The following TAGAP variants were observed in gnomAD, a reference collection of about 807,000 sequenced individuals.
The protein encoded by TAGAP is T cell activation RhoGTPase activating protein, also known as T-cell activation Rho GTPase-activating protein.
In TAGAP, 16 loss-of-function variants were observed where a neutral mutation model predicts 36.0. That is an observed-to-expected ratio of 0.44 (90% CI 0.30 to 0.68). TAGAP has a LOEUF of 0.68. TAGAP is among the 30% of genes least tolerant of loss of function. The pLI is 0.09. For missense variants in TAGAP, 794 were observed against 921.5 expected (o/e 0.86, Z 1.79); for synonymous variants, 372 against 377.4 (o/e 0.99, Z 0.17).
In TAGAP at chr6:159,036,837, T is replaced by A. The variant is rs75182303; in HGVS notation, c.1186A>T (p.Thr396Ser). The change falls in exon 10 of 10, where the codon ACA becomes TCA. Residue 396 changes from threonine to serine, a missense_variant. Physicochemically the swap from Thr to Ser is moderately conservative, Grantham distance 58. Coordinates refer to ENST00000367066, the MANE Select transcript of TAGAP (RefSeq NM_054114.5). The surrounding 1 kb of genome is among the most constrained non-coding windows in gnomAD (Gnocchi z 4.9). Reference protein sequence around the residue: ...ECLESRVTNQTLTKSEGDFPV... With the variant: ...ECLESRVTNQSLTKSEGDFPV... Reference sequence around the variant, plus strand: ...AAGTCCCCTTCACTCTTTGTTAGTGTTTGGTTTGTCACCCGGCTCTCGAGG... The same window carrying A: ...AAGTCCCCTTCACTCTTTGTTAGTGATTGGTTTGTCACCCGGCTCTCGAGG... 4.2e-3 allele frequency: 6,770 copies of A among 1,614,204 alleles called. 27 individuals are homozygous for A. The highest frequency in any genetic ancestry group is 4.8e-3 in the Non-Finnish European group (5,647 of 1,180,030).
intron 4 of TAGAP, 124 bp downstream of exon 4, chr6:159,043,465 C>T (rs1018538943): frequency 3.7e-6 from 3 of 820,144 alleles, no homozygotes; most frequent in Non-Finnish European, 6.2e-6. Context: ...TAATGTTCTG[C>T]GGTCTTTAAC....
In TAGAP at chr6:159,035,714, C is replaced by T; in HGVS notation, c.*113G>A. On this transcript the variant is annotated 3_prime_UTR_variant, in exon 10 of 10. Coordinates refer to ENST00000367066, the MANE Select transcript of TAGAP (RefSeq NM_054114.5). ...TATCCTCACTGAGGAGGGCTTTCCA[C>T]AACTTTCTCAAGGAGCTTATTCAAG... 3 of 1,162,168 alleles carry T rather than the reference C, an allele frequency of 2.6e-6. No homozygotes were observed. Among genetic ancestry groups the T allele is most frequent in the Non-Finnish European group, 3.5e-6 (3 of 846,340 alleles). The allele number at this position is 1,162,168 out of a possible 1,614,324, so 72.0% of individuals were successfully genotyped here. A position where few individuals can be genotyped will look rare whatever the true frequency, so the allele number is the denominator to read the frequency against.
At chr6:159,042,566 TAAAC>T in intron 4 of TAGAP, 1 of 261,286 alleles carries the variant, frequency 3.8e-6, no homozygotes, top group Non-Finnish European at 7.3e-6. Flanking sequence ...GTGCTGATCA[TAAAC>T]AACCATCTTA....
At chr6:159,044,319 A>AT in intron 1 of TAGAP, 115 bp from the exon 2 acceptor site, 3 of 611,130 alleles carry the variant, frequency 4.9e-6, no homozygotes, top group Non-Finnish European at 7.9e-6. Flanking sequence ...CTCTTTTGCT[A>AT]TTTTTTCACT....
chr6:159,041,410 C>A lies in TAGAP; in HGVS notation c.421G>T (p.Gly141Trp), dbSNP rs777042268. ...RKELKEELNS[G>W]DAVDLERLPV... Reference sequence around the variant, plus strand: ...AGCCTCTCCAGATCCACCGCATCCCCAGAGTTGAGCTCCTCCTTCAGCTCC... The same window carrying A: ...AGCCTCTCCAGATCCACCGCATCCCAAGAGTTGAGCTCCTCCTTCAGCTCC... Residue 141 changes from glycine to tryptophan, a missense_variant, in exon 6 of 10, where the codon GGG becomes TGG. Physicochemically the swap from Gly to Trp is radical, Grantham distance 184. Coordinates refer to ENST00000367066, the MANE Select transcript of TAGAP (RefSeq NM_054114.5). The surrounding 1 kb of genome is among the most constrained non-coding windows in gnomAD (Gnocchi z 4.1). 6.2e-7 allele frequency: 1 copy of A among 1,614,182 alleles called. No homozygotes were observed. Among genetic ancestry groups the A allele is most frequent in the Non-Finnish European group, 8.5e-7 (1 of 1,180,034 alleles).
chr6:159,042,355 C>A, intron 4 of TAGAP, 111 bp from the exon 5 acceptor site: 1 of 1,468,824 alleles, frequency 6.8e-7, no homozygotes, highest in South Asian at 1.5e-5. Flanking sequence ...CAATAGTATG[C>A]GATGTGAGAA....
chr6:159,040,139 A>G (rs537069286), intron 7 of TAGAP, among the ~76,000 whole-genome samples: 143 of 152,352 alleles, frequency 9.4e-4, no homozygotes, highest in Admixed American at 1.7e-3. Flanking sequence ...AGAATTCTCT[A>G]GTCACTAACA....
At position 159,040,940 on chromosome 6, in the gene TAGAP, C is replaced by G. The variant is rs551299790; in HGVS notation, c.478-108G>C. The G allele has an allele frequency of 3.2e-5, 25 of 792,042 alleles. No individual in the cohort carries two copies. In the African/African-American group the frequency reaches 4.3e-4, roughly 14 times the overall value. 49.1% of individuals were successfully genotyped at this position (792,042 alleles called of 1,614,324 possible). Reference sequence around the variant, plus strand: ...GCAGGGTGCTCTATGCTTAGCCCATCATAGATTGTGGCCCTTCATTCCTGC... The same window carrying G: ...GCAGGGTGCTCTATGCTTAGCCCATGATAGATTGTGGCCCTTCATTCCTGC... On this transcript the variant is annotated intron_variant, in intron 6 of 9. Transcript: ENST00000367066.
intron 4 of TAGAP, 22 bp downstream of exon 4, chr6:159,043,567 T>C: frequency 6.2e-7 from 1 of 1,612,344 alleles, no homozygotes; most frequent in Non-Finnish European, 8.5e-7. Flanking sequence ...ACATAAAAGA[T>C]CGGTATGTTT....
intron 4 of TAGAP, 127 bp from the exon 5 acceptor site, chr6:159,042,371 A>G: frequency 6.8e-7 from 1 of 1,460,582 alleles, no homozygotes; most frequent in Non-Finnish European, 9.0e-7. Flanking sequence ...GAGAAAAATA[A>G]TTTTGAAAAC....
chr6:159,044,623 C>G (rs1779866339), intron 1 of TAGAP, among the ~76,000 whole-genome samples: 2 of 148,558 alleles, frequency 1.3e-5, no homozygotes, highest in Admixed American at 6.9e-5. Flanking sequence ...ATTTTCTCAT[C>G]TAATCCAAAA....
chr6:159,037,377 C>T lies in TAGAP; in HGVS notation c.899-253G>A, dbSNP rs113678591. ...CTATTTTTTCTATTTTTAGTAGAGA[C>T]GGGGTTTCACCATGTTGGCTAGGCT... On this transcript the variant is annotated intron_variant, in intron 9 of 9. Coordinates refer to ENST00000367066, the MANE Select transcript of TAGAP (RefSeq NM_054114.5). The surrounding 1 kb of genome is among the most constrained non-coding windows in gnomAD (Gnocchi z 5.1). Among the ~76,000 whole-genome samples the T allele has an allele frequency of 2.3e-3, 346 of 151,994 alleles. 3 individuals are homozygous for T. The highest frequency in any genetic ancestry group is 8.0e-3 in the African/African-American group (330 of 41,470).
At position 159,042,245 on chromosome 6, in the gene TAGAP, C is replaced by A; in HGVS notation, c.149-1G>T. The A allele has an allele frequency of 6.2e-7, 1 of 1,605,934 alleles. No individual in the cohort carries two copies. The highest frequency in any genetic ancestry group is 8.5e-7 in the Non-Finnish European group (1 of 1,177,300). On this transcript the variant is annotated splice_acceptor_variant, in intron 4 of 9. Coordinates refer to ENST00000367066, the MANE Select transcript of TAGAP (RefSeq NM_054114.5). LOFTEE classifies it high-confidence loss of function. ...AGCACCTTCTTTCTCTTCTTAACTT[C>A]TACAGCCAAGAAAACAAGGCAACGA... is the stretch of plus-strand genomic sequence containing the variant.
In TAGAP at chr6:159,041,122, C is replaced by T; in HGVS notation, c.477+232G>A. On this transcript the variant is annotated intron_variant, in intron 6 of 9. Coordinates refer to ENST00000367066, the MANE Select transcript of TAGAP (RefSeq NM_054114.5). The surrounding 1 kb of genome is among the most constrained non-coding windows in gnomAD (Gnocchi z 4.1). Reference sequence around the variant, plus strand: ...TTCTGCCACGGAACAATCAAATTGCCCGTACTTGGCAAAGTTTTGGGAGAG... The same window carrying T: ...TTCTGCCACGGAACAATCAAATTGCTCGTACTTGGCAAAGTTTTGGGAGAG... 1.6e-6 allele frequency: 1 copy of T among 620,998 alleles called. No individual in the cohort carries two copies. Among genetic ancestry groups the T allele is most frequent in the Admixed American group, 3.1e-5 (1 of 32,020 alleles). 38.5% of individuals were successfully genotyped at this position (620,998 alleles called of 1,614,324 possible). A position where few individuals can be genotyped will look rare whatever the true frequency, so the allele number is the denominator to read the frequency against.
rs758784684 is a variant in TAGAP at position 159,040,717 on chromosome 6, A to T, written c.587+6T>A. 2 of 1,612,652 alleles carry T rather than the reference A, an allele frequency of 1.2e-6. No individual in the cohort carries two copies. Among genetic ancestry groups the T allele is most frequent in the South Asian group, 2.2e-5 (2 of 90,982 alleles). ...CTGGCAATGACCGATGACTTTGATG[A>T]CTTACTGTTTCAGGGCCTCGATTCT... On this transcript the variant is annotated splice_donor_region_variant and intron_variant, in intron 7 of 9. Coordinates refer to ENST00000367066, the MANE Select transcript of TAGAP (RefSeq NM_054114.5).
Position 159,035,823 on chromosome 6 carries a change from C to T in TAGAP, c.*4G>A. The T allele has an allele frequency of 1.3e-6, 2 of 1,585,192 alleles. No homozygotes were observed. The highest frequency in any genetic ancestry group is 1.7e-6 in the Non-Finnish European group (2 of 1,158,020). On this transcript the variant is annotated 3_prime_UTR_variant, in exon 10 of 10. Transcript: ENST00000367066. ...AAGCTATGGCATGGCGTATGGCCTC[C>T]CTCCTAAATATACGATTCTTTGGCA...
chr6:159,042,038 C>T (rs757973998), intron 5 of TAGAP, 40 bp downstream of exon 5: 41 of 1,578,490 alleles, frequency 2.6e-5, no homozygotes, highest in Non-Finnish European at 3.4e-5. Context: ...GCATGTCCAA[C>T]TGAAAACTGA....
At chr6:159,043,859 T>G (rs1779842575) in intron 3 of TAGAP, 119 bp downstream of exon 3, 2 of 1,015,182 alleles carry the variant, frequency 2.0e-6, no homozygotes, top group Admixed American at 4.3e-5. Context: ...ATTTACTACA[T>G]GTGTGATGTT....
rs1470787046 is a variant in TAGAP at position 159,036,907 on chromosome 6, G to A, written c.1116C>T (p.Pro372=). ...VARLKSSLAQ[P]DRRYSEPSMP... ...TGCTGGGCTCTGAGTATCTCCTATC[G>A]GGCTGTGCGAGGGAGCTTTTCAGCC... The change falls in exon 10 of 10, where the codon CCC becomes CCT. Residue 372 remains proline (P), a synonymous_variant. Coordinates refer to ENST00000367066, the MANE Select transcript of TAGAP (RefSeq NM_054114.5). The surrounding 1 kb of genome is among the most constrained non-coding windows in gnomAD (Gnocchi z 4.9). The A allele has an allele frequency of 1.2e-5, 19 of 1,614,104 alleles. No individual in the cohort carries two copies. The highest frequency in any genetic ancestry group is 1.6e-5 in the Non-Finnish European group (19 of 1,179,992).
Sources: gnomAD v4.1 joint callset for allele counts (sites outside exome capture counted in the v4.1 genomes callset) on GRCh38, gnomAD v4.1.1 for gene constraint, Gnocchi (gnomAD v3.1) non-coding constraint, MANE v1.5 for transcripts, NCBI Gene and HGNC (gene_info 2026-07-23, HGNC 2026-07-21) for gene names.